MECOM: variants seen among roughly 807,000 people sequenced by gnomAD.
The protein encoded by MECOM is MDS1 and EVI1 complex locus, also known as histone-lysine N-methyltransferase MECOM.
In MECOM, 13 loss-of-function variants were observed where a neutral mutation model predicts 116.3. The observed-to-expected ratio is 0.11, with a 90% CI of 0.07 to 0.18. MECOM has a LOEUF of 0.18. Ranked by LOEUF, MECOM falls within the 10% of genes least tolerant of loss-of-function variation. MECOM has a pLI of 1.00. For synonymous variants in MECOM, 528 were observed against 535.2 expected (o/e 0.99, Z 0.19); for missense variants, 1,299 against 1,509.0 (o/e 0.86, Z 2.31).
intron 1 of MECOM, among the ~76,000 whole-genome samples, chr3:169,498,967 A>G (rs1754177976): frequency 6.6e-6 from 1 of 152,206 alleles, no homozygotes; most frequent in Non-Finnish European, 1.5e-5. Context: ...CATGGTCTAA[A>G]GAATAAACTG....
intron 12 of MECOM, 60 bp from the exon 13 acceptor site, chr3:169,095,305 A>T: frequency 2.1e-6 from 3 of 1,432,364 alleles, no homozygotes; most frequent in Non-Finnish European, 1.9e-6. Flanking sequence ...TCTCAAGACT[A>T]GTTAGCCAGC....
chr3:169,092,968 C>T lies in MECOM; in HGVS notation c.3154G>A (p.Val1052Met), dbSNP rs749952641. The change falls in exon 14 of 17, where the codon GTG (valine) becomes ATG (methionine). Residue 1052 changes from valine (V) to methionine (M), a missense_variant. Physicochemically the swap from Val to Met is conservative, Grantham distance 21. This residue lies in a region of MECOM where 273 missense variants were observed against 289.3 expected (regional missense o/e 0.94). Transcript: ENST00000651503. Reference protein sequence around the residue: ...SNHGSQSPRNVEERMNGSHFK... With the variant: ...SNHGSQSPRNMEERMNGSHFK... ...AAAAGACAGCTTTACCTCTCCTCCA[C>T]ATTCCTGGGAGATTGGCTGCCATGG... 1.5e-5 allele frequency: 24 copies of T among 1,613,684 alleles called. No individual in the cohort carries two copies. Among genetic ancestry groups the T allele is most frequent in the South Asian group, 2.2e-5 (2 of 91,078 alleles).
chr3:169,274,660 A>G (rs746009472), intron 2 of MECOM, among the ~76,000 whole-genome samples: 15 of 152,218 alleles, frequency 9.9e-5, no homozygotes, highest in Non-Finnish European at 2.2e-4. Context: ...TGATCTATAA[A>G]TGCACTGTCA....
In MECOM at chr3:169,320,418, G is replaced by A. The variant is rs115610664; in HGVS notation, c.375+60769C>T. On this transcript the variant is annotated intron_variant, in intron 2 of 16. Transcript: ENST00000651503. ...GAGAAAGAAAAATTGATGACGTAAGGTCCCTGAGGAGGAAGGATAAAGAGG... is the reference window on the plus strand; with the variant it reads ...GAGAAAGAAAAATTGATGACGTAAGATCCCTGAGGAGGAAGGATAAAGAGG... 7.0e-3 allele frequency among the ~76,000 whole-genome samples: 1,067 copies of A among 152,286 alleles called. 3 individuals carry two copies. Among genetic ancestry groups the A allele is most frequent in the Non-Finnish European group, 0.011 (743 of 68,030 alleles).
At chr3:169,279,372 C>G (rs945892958) in intron 2 of MECOM, among the ~76,000 whole-genome samples, 3 of 152,218 alleles carry the variant, frequency 2.0e-5, no homozygotes, top group East Asian at 1.9e-4. Flanking sequence ...TCCTTCCCCC[C>G]ACTACACAAA....
intron 2 of MECOM, among the ~76,000 whole-genome samples, chr3:169,378,183 G>A (rs564686472): frequency 1.3e-5 from 2 of 151,528 alleles, no homozygotes; most frequent in East Asian, 3.9e-4. Context: ...GGGGTGGGGG[G>A]CTAGGGGAGG....
At chr3:169,179,890 G>A (rs1010649498) in intron 2 of MECOM, among the ~76,000 whole-genome samples, 40 of 152,108 alleles carry the variant, frequency 2.6e-4, no homozygotes, top group Admixed American at 1.5e-3. Context: ...GTTATCTGCT[G>A]AGTCCCCTCC....
chr3:169,559,569 A>G (rs1290442915), intron 1 of MECOM, among the ~76,000 whole-genome samples: 1 of 152,166 alleles, frequency 6.6e-6, no homozygotes, highest in Non-Finnish European at 1.5e-5. Context: ...TTTAACAGTT[A>G]TTTGTTTGGT....
At chr3:169,378,386 C>CAGAAAGA (rs1731431640) in intron 2 of MECOM, among the ~76,000 whole-genome samples, 1 of 59,182 alleles carries the variant, frequency 1.7e-5, no homozygotes, top group Non-Finnish European at 3.5e-5. Flanking sequence ...GGAAGGAAGA[C>CAGAAAGA]AAGAAAGAAA....
At chr3:169,455,709 G>A (rs913936964) in intron 1 of MECOM, among the ~76,000 whole-genome samples, 4 of 152,150 alleles carry the variant, frequency 2.6e-5, no homozygotes, top group Non-Finnish European at 4.4e-5. Context: ...ACCTTTGAGA[G>A]AGCTCATATA....
Position 169,612,304 on chromosome 3 carries a change from T to A in MECOM, c.37+51032A>T, listed in dbSNP as rs562001789. ...AAAGAATCATGGCTACCCCTTTAGA[T>A]GTGAAGTTCAAGAGATATCAGGCAG... On this transcript the variant is annotated intron_variant, in intron 1 of 16. Transcript: ENST00000651503. Among the ~76,000 whole-genome samples, 4 of 152,344 alleles carry A rather than the reference T, an allele frequency of 2.6e-5. No individual in the cohort carries two copies. The South Asian group carries it at 8.3e-4, about 32-fold the overall frequency.
chr3:169,600,240 A>G (rs1030366367), intron 1 of MECOM, among the ~76,000 whole-genome samples: 3 of 152,094 alleles, frequency 2.0e-5, no homozygotes, highest in Non-Finnish European at 2.9e-5. Context: ...CCAAAGTACT[A>G]GGATTACAGG....
At chr3:169,463,840 C>G (rs577897605) in intron 1 of MECOM, 1 of 152,142 alleles carries the variant, frequency 6.6e-6, no homozygotes, top group Non-Finnish European at 1.5e-5. Context: ...TGTCAGATAT[C>G]AAGTGCAGAT....
At chr3:169,319,430 G>A (rs955947108) in intron 2 of MECOM, among the ~76,000 whole-genome samples, 12 of 152,090 alleles carry the variant, frequency 7.9e-5, no homozygotes, top group Non-Finnish European at 1.6e-4. Context: ...GTCAGGGGGT[G>A]GGGGGTAGGG....
At chr3:169,098,853 G>A (rs1320163409) in intron 12 of MECOM, among the ~76,000 whole-genome samples, 1 of 151,922 alleles carries the variant, frequency 6.6e-6, no homozygotes, top group Non-Finnish European at 1.5e-5. Flanking sequence ...TTTTAGAAGA[G>A]TTCTAGATTT....
rs577649007 is a variant in MECOM, at chr3:169,166,508, C to T, written c.376-22676G>A. Among the ~76,000 whole-genome samples, 794 of 152,248 alleles carry T rather than the reference C, an allele frequency of 5.2e-3. 3 individuals are homozygous for T. Among genetic ancestry groups the T allele is most frequent in the South Asian group, 0.021 (99 of 4,826 alleles). ...ATGTGCATGATAATACATCTATGTA[C>T]TTATTTATGTGACTATAAGCAAGGT... is the stretch of plus-strand genomic sequence containing the variant. On this transcript the variant is annotated intron_variant, in intron 2 of 16. Coordinates refer to ENST00000651503, the MANE Select transcript of MECOM (RefSeq NM_004991.4).
chr3:169,211,598 C>G (rs1196248048), intron 2 of MECOM, among the ~76,000 whole-genome samples: 1 of 152,154 alleles, frequency 6.6e-6, no homozygotes, highest in Non-Finnish European at 1.5e-5. Context: ...TAATTTGCTT[C>G]CTATTTCACA....
intron 2 of MECOM, among the ~76,000 whole-genome samples, chr3:169,172,407 A>ATGTGTG (rs5854312): frequency 0.037 from 5,322 of 144,422 alleles, 121 homozygotes; most frequent in East Asian, 0.096. Flanking sequence ...GTACCCTTGT[A>ATGTGTG]TGTGTGTGTG....
intron 1 of MECOM, among the ~76,000 whole-genome samples, chr3:169,638,123 G>A (rs1467506443): frequency 6.6e-6 from 1 of 152,158 alleles, no homozygotes; most frequent in East Asian, 1.9e-4. Flanking sequence ...AAATTCTTAT[G>A]TAGTAGATAA....
Sources: allele counts gnomAD v4.1 joint callset (sites outside exome capture counted in the v4.1 genomes callset), GRCh38; gene constraint gnomAD v4.1.1; regional missense constraint gnomAD v4.1.1; transcripts MANE v1.5; gene names NCBI Gene and HGNC (gene_info 2026-07-23, HGNC 2026-07-21).